DNAH11: variants seen among roughly 807,000 people sequenced by gnomAD.
DNAH11 encodes the protein dynein axonemal heavy chain 11.
In DNAH11, 442 loss-of-function variants were observed where a neutral mutation model predicts 526.0. The ratio of observed to expected loss-of-function variants is 0.84; its 90% confidence interval spans 0.78 to 0.91. The LOEUF (loss-of-function observed/expected upper bound fraction) is 0.91. Among genes scored for constraint, DNAH11 ranks in the 40% least tolerant of loss-of-function variants. The pLI is 0.00. For synonymous variants in DNAH11, 2,461 were observed against 1,935.9 expected, an observed-to-expected ratio of 1.27 and a Z score of -7.12; for missense variants, 6,989 against 5,448.7, an observed-to-expected ratio of 1.28 and a Z score of -8.90.
intron 35 of DNAH11, among the ~76,000 whole-genome samples, chr7:21,693,406 G>A (rs1206459855): frequency 1.3e-5 from 2 of 152,158 alleles, no homozygotes; most frequent in African/African-American, 4.8e-5. Context: ...AAAAATCTAT[G>A]CCATGAGGGT....
chr7:21,710,520 A>C, intron 40 of DNAH11, 33 bp from the exon 41 acceptor site: 1 of 1,542,388 alleles, frequency 6.5e-7, no homozygotes, highest in Non-Finnish European at 8.8e-7. Flanking sequence ...TCTATCGTAG[A>C]AATAAACAGC....
chr7:21,803,390 C>T (rs945153573), intron 62 of DNAH11, among the ~76,000 whole-genome samples: 5 of 152,178 alleles, frequency 3.3e-5, no homozygotes, highest in African/African-American at 1.2e-4. Flanking sequence ...GACATTCACC[C>T]TCATGCATTT....
At chr7:21,657,004 G>T (rs930238055) in intron 29 of DNAH11, among the ~76,000 whole-genome samples, 6 of 152,184 alleles carry the variant, frequency 3.9e-5, no homozygotes, top group African/African-American at 1.4e-4. Context: ...TGCCCGGAGG[G>T]GGATAGTCCA....
chr7:21,899,561 C>G (rs749614061), intron 80 of DNAH11, 113 bp downstream of exon 80: 38 of 827,656 alleles, frequency 4.6e-5, no homozygotes, highest in Non-Finnish European at 6.7e-5. Flanking sequence ...AATCCTCAAG[C>G]AGCAGCCATT....
At position 21,900,028 on chromosome 7, in the gene DNAH11, C is replaced by T. The variant is rs768366183; in HGVS notation, c.13211C>T (p.Thr4404Met). The T allele has an allele frequency of 2.2e-5, 36 of 1,613,914 alleles. No individual in the cohort carries two copies. The African/African-American group carries it at 2.8e-4, about 13-fold the overall frequency. Residue 4404 changes from threonine to methionine, a missense_variant, in exon 81 of 82, where the codon ACG becomes ATG. By Grantham distance (81) the Thr-to-Met change is moderately conservative (BLOSUM62 -1). Transcript: ENST00000409508. ...AAAAATGAGTGGCCCCTGGATAAAACGCGCTTGACTGCTGATGTTACCAAA... is the reference window on the plus strand; with the variant it reads ...AAAAATGAGTGGCCCCTGGATAAAATGCGCTTGACTGCTGATGTTACCAAA... ...ARKNEWPLDK[T>M]RLTADVTKKT...
Position 21,548,499 on chromosome 7 carries a change from A to G in DNAH11, c.495+3350A>G, listed in dbSNP as rs550401141. Among the ~76,000 whole-genome samples, 624 of 152,326 alleles carry G rather than the reference A, an allele frequency of 4.1e-3. 6 individuals are homozygous for G. The highest frequency in any genetic ancestry group is 6.8e-3 in the Middle Eastern group (2 of 294). ...CTAGGGACACCTACGGAGTTAACATATATATTGGGATTAAAAGAATTTGTC... is the reference window on the plus strand; with the variant it reads ...CTAGGGACACCTACGGAGTTAACATGTATATTGGGATTAAAAGAATTTGTC... On this transcript the variant is annotated intron_variant, in intron 2 of 81. Transcript: ENST00000409508.
chr7:21,863,773 T>TAC (rs1251614008), intron 69 of DNAH11, among the ~76,000 whole-genome samples: 5 of 152,328 alleles, frequency 3.3e-5, no homozygotes, highest in African/African-American at 1.2e-4. Flanking sequence ...TATGGATAAT[T>TAC]ACGTTTGTTG....
At chr7:21,850,405 T>TA (rs1782585564) in intron 66 of DNAH11, among the ~76,000 whole-genome samples, 1 of 151,662 alleles carries the variant, frequency 6.6e-6, no homozygotes, top group Non-Finnish European at 1.5e-5. Context: ...TCATTTTTGT[T>TA]ACGTTGTTTT....
intron 75 of DNAH11, 89 bp from the exon 76 acceptor site, chr7:21,884,202 A>G: frequency 8.3e-7 from 1 of 1,202,296 alleles, no homozygotes; most frequent in Non-Finnish European, 1.1e-6. Flanking sequence ...CTTGGAGGGC[A>G]TTGTGTTAGA....
chr7:21,829,614 T>C (rs1451565071), intron 65 of DNAH11, among the ~76,000 whole-genome samples: 3 of 152,340 alleles, frequency 2.0e-5, no homozygotes, highest in East Asian at 3.9e-4. Context: ...GTTCAGGTAC[T>C]CAGAGTATCT....
At chr7:21,711,000 G>T (rs1456063259) in intron 41 of DNAH11, among the ~76,000 whole-genome samples, 1 of 152,090 alleles carries the variant, frequency 6.6e-6, no homozygotes, top group Non-Finnish European at 1.5e-5. Context: ...GTAAATTATT[G>T]TATCTTGTCA....
intron 69 of DNAH11, among the ~76,000 whole-genome samples, chr7:21,862,449 C>T (rs1257283415): frequency 1.3e-5 from 2 of 152,118 alleles, no homozygotes; most frequent in Admixed American, 1.3e-4. Context: ...TCAAAAATGA[C>T]TGAATTTTCC....
chr7:21,736,760 G>T (rs1298322563), intron 46 of DNAH11, among the ~76,000 whole-genome samples: 4 of 152,134 alleles, frequency 2.6e-5, no homozygotes, highest in Non-Finnish European at 5.9e-5. Context: ...AGGCTGAGGT[G>T]GGAGGATTGC....
Position 21,655,972 on chromosome 7 carries a change from T to C in DNAH11, c.5085T>C (p.Cys1695=). The C allele has an allele frequency of 6.3e-7, 1 of 1,598,550 alleles. No homozygotes were observed. Among genetic ancestry groups the C allele is most frequent in the East Asian group, 2.2e-5 (1 of 44,462 alleles). Residue 1695 remains cysteine (C), a synonymous_variant, in exon 29 of 82, where the codon TGT becomes TGC. Transcript: ENST00000409508. ...EYVPFQAECE[C]VGHVETWLLQ... Reference sequence around the variant, plus strand: ...TCCCATTCCAAGCCGAGTGTGAATGTGTGGGCCATGTAAGATTTGATTATG... The same window carrying C: ...TCCCATTCCAAGCCGAGTGTGAATGCGTGGGCCATGTAAGATTTGATTATG...
intron 65 of DNAH11, among the ~76,000 whole-genome samples, chr7:21,820,191 T>C (rs1286435894): frequency 6.6e-6 from 1 of 152,152 alleles, no homozygotes; most frequent in Non-Finnish European, 1.5e-5. Flanking sequence ...GTAAACCTTC[T>C]CTGAGCACTG....
chr7:21,894,755 C>G lies in DNAH11; in HGVS notation c.12883C>G (p.Leu4295Val). 6.2e-7 allele frequency: 1 copy of G among 1,612,556 alleles called. No homozygotes were observed. The highest frequency in any genetic ancestry group is 8.5e-7 in the Non-Finnish European group (1 of 1,179,478). The change falls in exon 78 of 82, where the codon CTC becomes GTC. Residue 4295 changes from leucine (L) to valine (V), a missense_variant. Physicochemically the swap from Leu to Val is conservative, Grantham distance 32 (BLOSUM62 1). Transcript: ENST00000409508. ...CCAAGAATGTGAGAGGATGAATATT[C>G]TCATTCGGGAAATACGTATATCACT... ...CFQECERMNI[L>V]IREIRISLEQ...
intron 66 of DNAH11, among the ~76,000 whole-genome samples, chr7:21,848,601 A>G (rs1003674654): frequency 1.3e-5 from 2 of 151,676 alleles, no homozygotes; most frequent in African/African-American, 2.4e-5. Context: ...TTAGCTATAT[A>G]TATTGGGTGC....
At chr7:21,861,781 C>T (rs1783071984) in intron 68 of DNAH11, 72 bp from the exon 69 acceptor site, 6 of 1,574,464 alleles carry the variant, frequency 3.8e-6, no homozygotes, top group Non-Finnish European at 5.2e-6. Flanking sequence ...AAACTGTTGC[C>T]CTGTGTATCG....
intron 74 of DNAH11, among the ~76,000 whole-genome samples, chr7:21,875,015 A>G (rs1179158377): frequency 2.0e-5 from 3 of 152,200 alleles, no homozygotes; most frequent in Non-Finnish European, 4.4e-5. Context: ...GTAAACCAAC[A>G]TTATGAAGGA....
Sources: allele counts gnomAD v4.1 joint callset (sites outside exome capture counted in the v4.1 genomes callset), GRCh38; gene constraint gnomAD v4.1.1; transcripts MANE v1.5; gene names NCBI Gene and HGNC (gene_info 2026-07-23, HGNC 2026-07-21).